The following FARP1 variants were observed in gnomAD, a reference collection of about 807,000 sequenced individuals.
FARP1 encodes the protein FERM, ARH/RhoGEF and pleckstrin domain protein 1, also known as FERM, ARHGEF and pleckstrin domain-containing protein 1.
FARP1 carries 52 observed loss-of-function variants against 128.8 expected under a neutral mutation model. The observed-to-expected ratio is 0.40, with a 90% CI of 0.32 to 0.51. FARP1 has a LOEUF of 0.51. Ranked by LOEUF, FARP1 falls within the 20% of genes least tolerant of loss-of-function variation. The pLI, the probability that FARP1 is intolerant of heterozygous loss-of-function variation, is 0.45. For missense variants in FARP1, 1,333 were observed against 1,367.9 expected, an observed-to-expected ratio of 0.97 and a Z score of 0.40; for synonymous variants, 580 against 551.8, an observed-to-expected ratio of 1.05 and a Z score of -0.72.
At chr13:98,272,914 T>C (rs1884456946) in intron 2 of FARP1, among the ~76,000 whole-genome samples, 1 of 152,196 alleles carries the variant, frequency 6.6e-6, no homozygotes, top group Admixed American at 6.5e-5. Context: ...AGAAGGGCCC[T>C]GGCCACACTT....
At chr13:98,378,711 C>G (rs926379950) in intron 6 of FARP1, among the ~76,000 whole-genome samples, 1 of 151,270 alleles carries the variant, frequency 6.6e-6, no homozygotes, top group Non-Finnish European at 1.5e-5. Flanking sequence ...GTGTCTCTCT[C>G]AGTAGTCAAA....
At chr13:98,200,799 T>C (rs1879890448) in intron 1 of FARP1, among the ~76,000 whole-genome samples, 1 of 151,944 alleles carries the variant, frequency 6.6e-6, no homozygotes, top group Non-Finnish European at 1.5e-5. Context: ...TCCTAAACCA[T>C]TGGATCAGGA....
At chr13:98,277,148 A>ACACACACACACACACACACACCC (rs372627844) in intron 2 of FARP1, among the ~76,000 whole-genome samples, 1 of 138,580 alleles carries the variant, frequency 7.2e-6, no homozygotes, top group African/African-American at 2.7e-5. Flanking sequence ...ACACACACAC[A>ACACACACACACACACACACACCC]CCCCATATGT....
intron 2 of FARP1, among the ~76,000 whole-genome samples, chr13:98,315,392 C>T (rs1416370738): frequency 6.6e-6 from 1 of 152,144 alleles, no homozygotes; most frequent in Non-Finnish European, 1.5e-5. Flanking sequence ...GGTATGAGCA[C>T]CCCTCCCAGA....
At chr13:98,197,721 G>A (rs1196090766) in intron 1 of FARP1, among the ~76,000 whole-genome samples, 6 of 151,196 alleles carry the variant, frequency 4.0e-5, no homozygotes, top group South Asian at 2.1e-4. Flanking sequence ...TGCAAGCTCC[G>A]CCTCCCGGGT....
intron 1 of FARP1, chr13:98,177,138 GA>G (rs781027219): frequency 6.2e-7 from 1 of 1,606,050 alleles, no homozygotes; most frequent in South Asian, 1.1e-5. Flanking sequence ...GGCGCTTTCT[GA>G]GGCCTGCAGC....
At chr13:98,157,874 C>G (rs953080791) in intron 1 of FARP1, among the ~76,000 whole-genome samples, 1 of 152,214 alleles carries the variant, frequency 6.6e-6, no homozygotes, top group Non-Finnish European at 1.5e-5. Flanking sequence ...TAAACATCGT[C>G]ACAAATTATT....
intron 2 of FARP1, among the ~76,000 whole-genome samples, chr13:98,259,540 T>C (rs1243256294): frequency 3.9e-5 from 6 of 152,202 alleles, no homozygotes; most frequent in African/African-American, 1.2e-4. Context: ...GGGACCAGTG[T>C]TTTGCCCCCC....
At chr13:98,308,029 C>CTTTTTTTTTTTTT (rs1886253580) in intron 2 of FARP1, among the ~76,000 whole-genome samples, 1 of 114,930 alleles carries the variant, frequency 8.7e-6, no homozygotes, top group African/African-American at 3.7e-5. Context: ...CCCCCACTCT[C>CTTTTTTTTTTTTT]TCTCTTTTTT....
intron 16 of FARP1, among the ~76,000 whole-genome samples, chr13:98,419,985 G>T (rs1891533880): frequency 6.6e-6 from 1 of 152,096 alleles, no homozygotes; most frequent in Non-Finnish European, 1.5e-5. Flanking sequence ...CATGGTTAAG[G>T]AATCTCCCGG....
chr13:98,189,769 G>T (rs1431421991), intron 1 of FARP1, among the ~76,000 whole-genome samples: 1 of 152,110 alleles, frequency 6.6e-6, no homozygotes, highest in African/African-American at 2.4e-5. Flanking sequence ...TTTATTTTCA[G>T]TTTCCCAGGA....
upstream of FARP1, chr13:98,143,038 GCCCGCCTCCC>G (rs1475240132): frequency 6.8e-6 from 1 of 147,852 alleles, no homozygotes; most frequent in Non-Finnish European, 1.5e-5. Context: ...GCTGCGCGGC[GCCCGCCTCCC>G]CCCGCCGAGG....
intron 5 of FARP1, among the ~76,000 whole-genome samples, chr13:98,375,604 GT>G (rs1889546043): frequency 6.6e-6 from 1 of 151,958 alleles, no homozygotes; most frequent in Admixed American, 6.6e-5. Context: ...CTTCCAACAG[GT>G]AATTGTTTTT....
chr13:98,309,768 G>A (rs1886370148), intron 2 of FARP1, among the ~76,000 whole-genome samples: 2 of 152,254 alleles, frequency 1.3e-5, no homozygotes, highest in Non-Finnish European at 2.9e-5. Context: ...AACTGTGCCT[G>A]TGTAGGCAAC....
chr13:98,367,782 T>G (rs536170552), intron 4 of FARP1, among the ~76,000 whole-genome samples: 12 of 152,366 alleles, frequency 7.9e-5, no homozygotes, highest in African/African-American at 2.2e-4. Flanking sequence ...TTTCATTATT[T>G]GGGTAAAACC....
rs139837142 is a variant in FARP1 at position 98,235,973 on chromosome 13, C to T, written c.171+22560C>T. Among the ~76,000 whole-genome samples the T allele has an allele frequency of 7.9e-5, 12 of 152,114 alleles. No homozygotes were observed. The East Asian group carries it at 1.5e-3, about 20-fold the overall frequency. ...AGAGTAGCTGGGATTACAGGCATGTCCCACTACACACAACTAATTTTTGTA... is the reference window on the plus strand; with the variant it reads ...AGAGTAGCTGGGATTACAGGCATGTTCCACTACACACAACTAATTTTTGTA... On this transcript the variant is annotated intron_variant, in intron 2 of 26. Coordinates refer to ENST00000319562, the MANE Select transcript of FARP1 (RefSeq NM_005766.4).
intron 6 of FARP1, chr13:98,383,849 G>A (rs1401519928): frequency 1.1e-4 from 16 of 152,112 alleles, no homozygotes; most frequent in Non-Finnish European, 1.8e-4. Flanking sequence ...AGATAAAAAC[G>A]TGTAAGACTT....
At chr13:98,325,121 G>A (rs898983448) in intron 2 of FARP1, among the ~76,000 whole-genome samples, 5 of 152,186 alleles carry the variant, frequency 3.3e-5, no homozygotes, top group Middle Eastern at 3.2e-3. Context: ...TAAGTAGTCC[G>A]TAAGGAAGAC....
At chr13:98,353,504 G>A (rs143672225) in intron 3 of FARP1, among the ~76,000 whole-genome samples, 6,324 of 152,112 alleles carry the variant, frequency 0.042, 423 homozygotes, top group African/African-American at 0.14. Context: ...TCAGCCTCCC[G>A]AGTAGCTAGG....
Sources: allele counts gnomAD v4.1 joint callset (sites outside exome capture counted in the v4.1 genomes callset), GRCh38; gene constraint gnomAD v4.1.1; transcripts MANE v1.5; gene names NCBI Gene and HGNC (gene_info 2026-07-23, HGNC 2026-07-21).